Variants in KIAA1217 observed in about 807,000 individuals in gnomAD.
KIAA1217 encodes KIAA1217.
KIAA1217 carries 88 observed loss-of-function variants against 163.9 expected under a neutral mutation model. The ratio of observed to expected loss-of-function variants is 0.54; its 90% CI spans 0.45 to 0.64. The LOEUF (loss-of-function observed/expected upper bound fraction) is 0.64. Ranked by LOEUF, KIAA1217 falls within the 30% of genes least tolerant of loss-of-function variation. KIAA1217 has a pLI of 0.00. For synonymous variants in KIAA1217, 903 were observed against 923.1 expected, an observed-to-expected ratio of 0.98 and a Z score of 0.39; for missense variants, 2,372 against 2,475.0, an observed-to-expected ratio of 0.96 and a Z score of 0.88.
At chr10:24,100,999 C>G (rs565559090) in intron 2 of KIAA1217, among the ~76,000 whole-genome samples, 1 of 152,304 alleles carries the variant, frequency 6.6e-6, no homozygotes, top group African/African-American at 2.4e-5. Context: ...CTTTGTGGCC[C>G]TGCTAACAAA....
chr10:23,829,915 A>G (rs1415128447), intron 1 of KIAA1217, among the ~76,000 whole-genome samples: 2 of 152,198 alleles, frequency 1.3e-5, no homozygotes, highest in Admixed American at 1.3e-4. Context: ...TAGTGGGAAG[A>G]AAAATGGTAG....
chr10:24,287,219 T>G (rs2078632168), intron 2 of KIAA1217, among the ~76,000 whole-genome samples: 1 of 152,160 alleles, frequency 6.6e-6, no homozygotes. Context: ...CGAGCTAATT[T>G]TTTGTATTTC....
At chr10:24,379,323 TA>T (rs1223205942) in intron 2 of KIAA1217, among the ~76,000 whole-genome samples, 3 of 152,144 alleles carry the variant, frequency 2.0e-5, no homozygotes, top group Non-Finnish European at 4.4e-5. Context: ...GCAGACTTTG[TA>T]AAAAATAAAT....
At chr10:24,213,268 A>C (rs1180420717) in intron 1 of KIAA1217, among the ~76,000 whole-genome samples, 6 of 152,156 alleles carry the variant, frequency 3.9e-5, no homozygotes, top group African/African-American at 1.4e-4. Context: ...TGGGCTCTAC[A>C]TTGTGACCCT....
At chr10:23,967,984 A>T (rs545766653) in intron 1 of KIAA1217, among the ~76,000 whole-genome samples, 3 of 150,710 alleles carry the variant, frequency 2.0e-5, no homozygotes, top group Admixed American at 6.6e-5. Context: ...TTTGGGATAC[A>T]TGTGTGGAAT....
intron 1 of KIAA1217, among the ~76,000 whole-genome samples, chr10:23,741,763 A>G (rs1299385475): frequency 6.6e-6 from 1 of 152,174 alleles, no homozygotes; most frequent in Non-Finnish European, 1.5e-5. Context: ...ACAAATCCAC[A>G]TGTAATCTAG....
intron 1 of KIAA1217, among the ~76,000 whole-genome samples, chr10:23,747,659 A>G (rs914423646): frequency 6.6e-6 from 1 of 152,192 alleles, no homozygotes; most frequent in Non-Finnish European, 1.5e-5. Context: ...GAAATGATGA[A>G]AATGAAGATT....
At chr10:24,022,947 A>G (rs1847797363) in intron 2 of KIAA1217, among the ~76,000 whole-genome samples, 1 of 151,496 alleles carries the variant, frequency 6.6e-6, no homozygotes, top group African/African-American at 2.4e-5. Flanking sequence ...AAGGATATCT[A>G]TAAAAAACCT....
chr10:23,795,439 A>C (rs1190853293), intron 1 of KIAA1217, among the ~76,000 whole-genome samples: 1 of 152,228 alleles, frequency 6.6e-6, no homozygotes, highest in Non-Finnish European at 1.5e-5. Context: ...GGCACAAAGC[A>C]AAGAAAATGG....
At chr10:23,908,603 T>C (rs1304490278) in intron 1 of KIAA1217, among the ~76,000 whole-genome samples, 2 of 152,090 alleles carry the variant, frequency 1.3e-5, no homozygotes. Context: ...AGCCCTGAGG[T>C]CTCAGCTGAA....
At chr10:24,443,753 G>A (rs2060691249) in intron 5 of KIAA1217, among the ~76,000 whole-genome samples, 1 of 152,080 alleles carries the variant, frequency 6.6e-6, no homozygotes, top group Admixed American at 6.5e-5. Context: ...TGGTAATTCT[G>A]TTAGGCATAA....
Position 23,877,457 on chromosome 10 carries a change from A to T in KIAA1217, c.-320-129768A>T, listed in dbSNP as rs577236844. On this transcript the variant is annotated intron_variant, in intron 1 of 18. Coordinates refer to the KIAA1217 transcript ENST00000376462. ...ATGCTGTCCACCACCCATGAGCAAA[A>T]CTCTTTCTATGGCAAGAAACATCGA... 2.6e-5 allele frequency: 4 copies of T among 151,320 alleles called. No homozygotes were observed. In the East Asian group the frequency reaches 8.2e-4, roughly 31 times the overall value. The allele number at this position is 151,320 out of a possible 1,614,324, so 9.4% of individuals were successfully genotyped here.
At chr10:24,185,025 A>T (rs1363444019) in intron 2 of KIAA1217, among the ~76,000 whole-genome samples, 1 of 152,146 alleles carries the variant, frequency 6.6e-6, no homozygotes, top group Non-Finnish European at 1.5e-5. Context: ...ATAGGCTGAA[A>T]TTTTTTTTAA....
chr10:23,846,149 T>A (rs1422034627), intron 1 of KIAA1217, among the ~76,000 whole-genome samples: 1 of 152,160 alleles, frequency 6.6e-6, no homozygotes, highest in East Asian at 1.9e-4. Flanking sequence ...GTAAGATAGT[T>A]TGAAGTCAGG....
At chr10:24,064,265 A>G (rs1006406871) in intron 2 of KIAA1217, among the ~76,000 whole-genome samples, 2 of 152,200 alleles carry the variant, frequency 1.3e-5, no homozygotes, top group Admixed American at 6.5e-5. Flanking sequence ...TCAGTATGAT[A>G]TTGGCTGTGG....
chr10:23,984,971 TC>T (rs1428384713), intron 1 of KIAA1217, among the ~76,000 whole-genome samples: 1 of 151,582 alleles, frequency 6.6e-6, no homozygotes, highest in African/African-American at 2.4e-5. Context: ...TTGATTCCAG[TC>T]AGTTCTATGT....
chr10:23,867,300 G>A (rs372987661), intron 1 of KIAA1217, among the ~76,000 whole-genome samples: 18 of 151,704 alleles, frequency 1.2e-4, no homozygotes, highest in African/African-American at 1.5e-4. Flanking sequence ...GAATAGTGCC[G>A]CAATAAACAT....
intron 2 of KIAA1217, among the ~76,000 whole-genome samples, chr10:24,256,066 A>G (rs2075123118): frequency 6.6e-6 from 1 of 151,598 alleles, no homozygotes; most frequent in African/African-American, 2.4e-5. Flanking sequence ...AAAAAAAAAA[A>G]AAAGCTGCTT....
At chr10:24,059,962 T>C (rs2060658920) in intron 2 of KIAA1217, among the ~76,000 whole-genome samples, 1 of 152,224 alleles carries the variant, frequency 6.6e-6, no homozygotes, top group Non-Finnish European at 1.5e-5. Context: ...TTTGTTGGCA[T>C]ACAGTAGTCT....
Sources: gnomAD v4.1 joint callset for allele counts (sites outside exome capture counted in the v4.1 genomes callset) on GRCh38, gnomAD v4.1.1 for gene constraint, MANE v1.5 for transcripts, NCBI Gene and HGNC (gene_info 2026-07-23, HGNC 2026-07-21) for gene names.